Variants in KCNB2 observed in about 807,000 individuals in gnomAD.
KCNB2 encodes potassium voltage-gated channel subfamily B member 2.
Under a neutral mutation model 61.5 loss-of-function variants are expected in KCNB2, and 15 were observed. That is an observed-to-expected ratio of 0.24 (90% CI 0.16 to 0.38). The LOEUF is 0.38. KCNB2 is among the 10% of genes least tolerant of loss of function. KCNB2 has a pLI of 1.00. For missense variants in KCNB2, 828 were observed against 1,125.2 expected (o/e 0.74, Z 3.78); for synonymous variants, 457 against 446.0 (o/e 1.02, Z -0.31).
intron 1 of KCNB2, among the ~76,000 whole-genome samples, chr8:72,541,788 T>G (rs1806191001): frequency 6.6e-6 from 1 of 152,184 alleles, no homozygotes; most frequent in African/African-American, 2.4e-5. Flanking sequence ...TGAGGCTGGC[T>G]GATGCAGATG....
chr8:72,540,995 A>AG lies in KCNB2; in HGVS notation c.-94+3115dup, dbSNP rs201844615. Among the ~76,000 whole-genome samples, 610 of 68,354 alleles carry AG rather than the reference A, an allele frequency of 8.9e-3. 6 individuals carry two copies. Among genetic ancestry groups the AG allele is most frequent in the African/African-American group, 0.039 (567 of 14,460 alleles). 44.8% of individuals were successfully genotyped at this position (68,354 alleles called of 152,430 possible). ...TAGGCCCTGCTCCCAAGAATATTTT[A>AG]GGGGGAAAAAAACTTGAAAAACTAA... On this transcript the variant is annotated intron_variant, in intron 1 of 2. Transcript: ENST00000523207.
chr8:72,861,043 A>G (rs975255470), intron 2 of KCNB2, among the ~76,000 whole-genome samples: 30 of 152,344 alleles, frequency 2.0e-4, no homozygotes, highest in South Asian at 2.1e-4. Context: ...CTGGCTTAGA[A>G]GAATCCACAC....
intron 2 of KCNB2, among the ~76,000 whole-genome samples, chr8:72,803,415 T>C (rs1275526342): frequency 1.3e-5 from 2 of 152,216 alleles, no homozygotes; most frequent in East Asian, 3.8e-4. Context: ...AAAGCCATTA[T>C]AGTCACTCTA....
chr8:72,916,562 TGGA>T (rs1315058410), intron 2 of KCNB2, among the ~76,000 whole-genome samples: 3 of 152,318 alleles, frequency 2.0e-5, no homozygotes, highest in African/African-American at 7.2e-5. Flanking sequence ...TTACTGTCTG[TGGA>T]CAGCTTAAGT....
chr8:72,701,799 C>T (rs147333124), intron 2 of KCNB2, among the ~76,000 whole-genome samples: 148 of 152,130 alleles, frequency 9.7e-4, no homozygotes, highest in Admixed American at 8.5e-3. Flanking sequence ...TTATGCAACA[C>T]ACATAAAAGG....
intron 2 of KCNB2, among the ~76,000 whole-genome samples, chr8:72,677,700 T>C (rs887662381): frequency 2.6e-5 from 4 of 152,206 alleles, no homozygotes; most frequent in Non-Finnish European, 5.9e-5. Context: ...TCATAACTCA[T>C]TGGCCACTTT....
At chr8:72,836,171 C>T (rs950517018) in intron 2 of KCNB2, among the ~76,000 whole-genome samples, 2 of 152,288 alleles carry the variant, frequency 1.3e-5, no homozygotes, top group Admixed American at 6.5e-5. Flanking sequence ...CAGAAACCAG[C>T]GTTCAGTAAA....
chr8:72,619,398 T>A (rs988987961), intron 2 of KCNB2: 10 of 460,438 alleles, frequency 2.2e-5, no homozygotes, highest in Non-Finnish European at 4.3e-5. Flanking sequence ...AGTCATGTAT[T>A]ACCAGGTAGA....
At chr8:72,579,565 T>C (rs1806858510) in intron 2 of KCNB2, among the ~76,000 whole-genome samples, 1 of 152,194 alleles carries the variant, frequency 6.6e-6, no homozygotes, top group Non-Finnish European at 1.5e-5. Context: ...ACCCACCCTC[T>C]GCCCTCCCTT....
At chr8:72,782,474 T>C (rs1377047296) in intron 2 of KCNB2, among the ~76,000 whole-genome samples, 2 of 152,124 alleles carry the variant, frequency 1.3e-5, no homozygotes, top group Non-Finnish European at 2.9e-5. Flanking sequence ...CTTTGGCCTC[T>C]TGAACTTGGT....
chr8:72,799,995 G>T (rs1809097123), intron 2 of KCNB2, among the ~76,000 whole-genome samples: 1 of 152,116 alleles, frequency 6.6e-6, no homozygotes, highest in African/African-American at 2.4e-5. Context: ...TGGGCTAGCT[G>T]GTTGAGGCCA....
At chr8:72,782,396 C>T (rs187501806) in intron 2 of KCNB2, among the ~76,000 whole-genome samples, 1 of 152,208 alleles carries the variant, frequency 6.6e-6, no homozygotes, top group East Asian at 1.9e-4. Context: ...TTCGCCACCA[C>T]GACTCTCTCC....
At chr8:72,600,799 G>T (rs1805336524) in intron 2 of KCNB2, among the ~76,000 whole-genome samples, 1 of 152,018 alleles carries the variant, frequency 6.6e-6, no homozygotes, top group Non-Finnish European at 1.5e-5. Context: ...AGAACACATG[G>T]ATGCATAGAG....
chr8:72,549,902 C>A (rs942251424), intron 1 of KCNB2, among the ~76,000 whole-genome samples: 2 of 152,136 alleles, frequency 1.3e-5, no homozygotes, highest in African/African-American at 4.8e-5. Context: ...GAAACTAATT[C>A]TAATTAAATG....
At chr8:72,776,152 C>CA (rs1474048859) in intron 2 of KCNB2, among the ~76,000 whole-genome samples, 1 of 149,072 alleles carries the variant, frequency 6.7e-6, no homozygotes, top group Non-Finnish European at 1.5e-5. Context: ...ATCGCAGGGA[C>CA]AAAAAACCAA....
At chr8:72,600,542 A>G (rs1807280500) in intron 2 of KCNB2, among the ~76,000 whole-genome samples, 1 of 152,054 alleles carries the variant, frequency 6.6e-6, no homozygotes, top group Non-Finnish European at 1.5e-5. Context: ...ATGTATACAT[A>G]TGTAACAAAC....
At chr8:72,731,825 G>C (rs563149839) in intron 2 of KCNB2, among the ~76,000 whole-genome samples, 14 of 152,332 alleles carry the variant, frequency 9.2e-5, no homozygotes, top group African/African-American at 3.4e-4. Flanking sequence ...TAGAAATTCT[G>C]ATTCTTTGAT....
At chr8:72,888,239 C>T (rs559412682) in intron 2 of KCNB2, among the ~76,000 whole-genome samples, 14 of 152,138 alleles carry the variant, frequency 9.2e-5, no homozygotes, top group Admixed American at 3.3e-4. Context: ...AGTAGTGGGA[C>T]TACAAGCACA....
chr8:72,772,604 T>C (rs78971470), intron 2 of KCNB2, among the ~76,000 whole-genome samples: 4,009 of 152,308 alleles, frequency 0.026, 62 homozygotes, highest in African/African-American at 0.037. Flanking sequence ...AAGACCTTCT[T>C]ATTCTTAAGC....
Sources: gnomAD v4.1 joint callset for allele counts (sites outside exome capture counted in the v4.1 genomes callset) on GRCh38, gnomAD v4.1.1 for gene constraint, MANE v1.5 for transcripts, NCBI Gene and HGNC (gene_info 2026-07-23, HGNC 2026-07-21) for gene names.